DNAH14: variants seen among roughly 807,000 people sequenced by gnomAD.
DNAH14 encodes the protein dynein axonemal heavy chain 14, also known as axonemal beta dynein heavy chain 14.
Under a neutral mutation model 520.9 loss-of-function variants are expected in DNAH14, and 478 were observed. The ratio of observed to expected loss-of-function variants is 0.92; its 90% CI spans 0.85 to 0.99. The LOEUF is 0.99. Ranked by LOEUF, DNAH14 falls within the 50% of genes least tolerant of loss-of-function variation. The pLI is 0.00. For missense variants in DNAH14, 4,831 were observed against 5,234.5 expected, an observed-to-expected ratio of 0.92 and a Z score of 2.38; for synonymous variants, 1,581 against 1,757.2, an observed-to-expected ratio of 0.90 and a Z score of 2.51.
intron 36 of DNAH14, among the ~76,000 whole-genome samples, chr1:225,170,272 T>C (rs1051324493): frequency 6.6e-6 from 1 of 152,234 alleles, no homozygotes; most frequent in African/African-American, 2.4e-5. Flanking sequence ...CATAACAATA[T>C]TAACCTTAAA....
rs1405973233 is a variant in DNAH14 at position 225,324,264 on chromosome 1, A to G, written c.9538A>G (p.Asn3180Asp). The G allele has an allele frequency of 2.6e-6, 4 of 1,551,730 alleles. No homozygotes were observed. In the South Asian group the frequency reaches 4.8e-5, roughly 18 times the overall value. Residue 3180 changes from asparagine (N) to aspartate (D), a missense_variant, in exon 63 of 86, where the codon AAC (asparagine) becomes GAC (aspartate). Coordinates refer to ENST00000682510, the MANE Select transcript of DNAH14 (RefSeq NM_001367479.1). ...AAAAATTGTAACCTTACCTGATTTC[A>G]ACCCACACAAGATTTCGCTGGTTTC... ...LKKIVTLPDF[N>D]PHKISLVSVA...
intron 44 of DNAH14, among the ~76,000 whole-genome samples, chr1:225,256,463 G>A (rs190090720): frequency 1.2e-4 from 19 of 152,126 alleles, no homozygotes; most frequent in African/African-American, 3.9e-4. Context: ...AAATAAAATG[G>A]CAAAAGCAAA....
At chr1:225,187,376 T>C (rs2084890858) in intron 37 of DNAH14, among the ~76,000 whole-genome samples, 2 of 151,860 alleles carry the variant, frequency 1.3e-5, no homozygotes, top group South Asian at 4.1e-4. Flanking sequence ...TAGATTCGCC[T>C]CTTTTGGCAG....
intron 66 of DNAH14, among the ~76,000 whole-genome samples, chr1:225,335,749 G>A (rs111205890): frequency 0.25 from 6,722 of 26,404 alleles, 1,627 homozygotes; most frequent in South Asian, 0.37. Flanking sequence ...ATGTATATAC[G>A]CATATATACA....
rs1391706094 is a variant in DNAH14, at chr1:224,929,769, G to C, written c.-100G>C. 8 of 701,966 alleles carry C rather than the reference G, an allele frequency of 1.1e-5. No homozygotes were observed. The highest frequency in any genetic ancestry group is 2.0e-5 in the Admixed American group (1 of 49,998). 43.5% of individuals were successfully genotyped at this position (701,966 alleles called of 1,614,324 possible). Reference sequence around the variant, plus strand: ...TCACCCTAGTCTGGCGCTCGCCGGCGTGGGCGGGCCGGACCTTCGCCGCTT... The same window carrying C: ...TCACCCTAGTCTGGCGCTCGCCGGCCTGGGCGGGCCGGACCTTCGCCGCTT... On this transcript the variant is annotated 5_prime_UTR_variant, in exon 1 of 86. Coordinates refer to ENST00000682510, the MANE Select transcript of DNAH14 (RefSeq NM_001367479.1).
chr1:225,054,396 T>C (rs905028512), intron 17 of DNAH14, among the ~76,000 whole-genome samples: 1 of 152,172 alleles, frequency 6.6e-6, no homozygotes, highest in Admixed American at 6.5e-5. Context: ...TGGGTATTGA[T>C]GTATATTTTA....
intron 42 of DNAH14, among the ~76,000 whole-genome samples, chr1:225,233,584 G>T (rs2091318024): frequency 6.6e-6 from 1 of 151,510 alleles, no homozygotes; most frequent in Non-Finnish European, 1.5e-5. Context: ...TTTCATGTTT[G>T]TTGGCCACTT....
intron 49 of DNAH14, among the ~76,000 whole-genome samples, chr1:225,269,509 C>T (rs1211675970): frequency 6.6e-6 from 1 of 152,184 alleles, no homozygotes; most frequent in Non-Finnish European, 1.5e-5. Flanking sequence ...AGCTTCTGCA[C>T]AGCAAAAGAA....
Position 225,216,328 on chromosome 1 carries a change from G to GT in DNAH14, c.6439+9114dup, listed in dbSNP as rs1301178116. Among the ~76,000 whole-genome samples the GT allele has an allele frequency of 2.0e-5, 3 of 152,102 alleles. 1 individual carries two copies. The South Asian group carries it at 6.2e-4, about 31-fold the overall frequency. ...ACCTTTCTCTCTGGCTGCCCTTAAT[G>GT]TTTTTTCCTTCATTTCAACTTTGGT... is the stretch of plus-strand genomic sequence containing the variant. On this transcript the variant is annotated intron_variant, in intron 41 of 85. Coordinates refer to ENST00000682510, the MANE Select transcript of DNAH14 (RefSeq NM_001367479.1).
At chr1:224,961,240 C>T (rs2125560637) in intron 4 of DNAH14, 1 of 152,280 alleles carries the variant, frequency 6.6e-6, no homozygotes, top group East Asian at 1.9e-4. Context: ...TCCCAAGCAA[C>T]ACCTCGATTA....
At chr1:225,272,341 G>A (rs2093337409) in intron 51 of DNAH14, among the ~76,000 whole-genome samples, 1 of 152,154 alleles carries the variant, frequency 6.6e-6, no homozygotes, top group Admixed American at 6.5e-5. Context: ...ACATAGATTT[G>A]GTGTTTGCTT....
At chr1:225,218,633 C>A (rs1480359086) in intron 41 of DNAH14, among the ~76,000 whole-genome samples, 1 of 152,150 alleles carries the variant, frequency 6.6e-6, no homozygotes, top group Non-Finnish European at 1.5e-5. Context: ...ATGTATGCAT[C>A]CAATACAGGA....
rs1232455064 is a variant in DNAH14, at chr1:225,346,413, T to C, written c.11097+33T>C. On this transcript the variant is annotated intron_variant, in intron 70 of 85. Coordinates refer to ENST00000682510, the MANE Select transcript of DNAH14 (RefSeq NM_001367479.1). ...ATTCTTTAGTGTGAATTTTACATGCTTATTTAATCTCACTGGATTAATATG... is the reference window on the plus strand; with the variant it reads ...ATTCTTTAGTGTGAATTTTACATGCCTATTTAATCTCACTGGATTAATATG... 5.9e-6 allele frequency: 9 copies of C among 1,526,642 alleles called. No individual in the cohort carries two copies. In the African/African-American group the frequency reaches 1.1e-4, roughly 19 times the overall value. 94.6% of individuals were successfully genotyped at this position (1,526,642 alleles called of 1,614,324 possible). A position where few individuals can be genotyped will look rare whatever the true frequency, so the allele number is the denominator to read the frequency against.
chr1:225,259,740 C>A (rs2092867545), intron 46 of DNAH14, among the ~76,000 whole-genome samples: 1 of 152,170 alleles, frequency 6.6e-6, no homozygotes, highest in African/African-American at 2.4e-5. Flanking sequence ...TTGCCCCTGG[C>A]AACCACTAGT....
chr1:225,043,081 G>T lies in DNAH14; in HGVS notation c.1735G>T (p.Glu579Ter), dbSNP rs2067620997. The T allele has an allele frequency of 5.2e-6, 8 of 1,550,978 alleles. No individual in the cohort carries two copies. In the East Asian group the frequency reaches 1.5e-4, roughly 28 times the overall value. ...ELLPKAKKSK[E>*]ISYNLEDIIS... The stretch of plus-strand genomic sequence containing the variant: ...GCTCCCAAAAGCCAAGAAATCAAAA[G>T]AAATTAGTTACAATCTTGAAGATAT... The change falls in exon 13 of 86, where the codon GAA becomes TAA. Residue 579 changes from glutamate (E) to a stop codon, truncating the protein, a stop_gained. Coordinates refer to ENST00000682510, the MANE Select transcript of DNAH14 (RefSeq NM_001367479.1). LOFTEE classifies it high-confidence loss of function.
intron 37 of DNAH14, among the ~76,000 whole-genome samples, chr1:225,186,589 T>C (rs2084771113): frequency 6.6e-6 from 1 of 151,802 alleles, no homozygotes; most frequent in Non-Finnish European, 1.5e-5. Context: ...CCTAGAATAA[T>C]AATACAGTAA....
At chr1:224,984,879 A>T (rs1001692553) in intron 8 of DNAH14, among the ~76,000 whole-genome samples, 1 of 152,232 alleles carries the variant, frequency 6.6e-6, no homozygotes, top group Non-Finnish European at 1.5e-5. Flanking sequence ...GCTCAACATC[A>T]CTAATGATCA....
intron 15 of DNAH14, among the ~76,000 whole-genome samples, chr1:225,045,490 A>G (rs2067875142): frequency 6.6e-6 from 1 of 152,080 alleles, no homozygotes; most frequent in Non-Finnish European, 1.5e-5. Flanking sequence ...CGGATCACAC[A>G]TTGCATATAT....
chr1:225,178,707 G>C lies in DNAH14; in HGVS notation c.5536-6584G>C, dbSNP rs151035019. 1.1e-3 allele frequency among the ~76,000 whole-genome samples: 171 copies of C among 152,256 alleles called. 1 individual carries two copies. In the East Asian group the frequency reaches 0.026, roughly 24 times the overall value. On this transcript the variant is annotated intron_variant, in intron 36 of 85. Transcript: ENST00000682510. ...GATTTTTGAGTTAATGCTGAAATGA[G>C]TTAAGACTTTGGGGGACTGTTGGGA...
Sources: gnomAD v4.1 joint callset for allele counts (sites outside exome capture counted in the v4.1 genomes callset) on GRCh38, gnomAD v4.1.1 for gene constraint, MANE v1.5 for transcripts, NCBI Gene and HGNC (gene_info 2026-07-23, HGNC 2026-07-21) for gene names.